Variants in NBEA observed in about 807,000 individuals in gnomAD.
NBEA encodes the protein neurobeachin.
In NBEA, 44 loss-of-function variants were observed where a neutral mutation model predicts 343.4. The observed-to-expected ratio is 0.13, with a 90% CI of 0.10 to 0.16. NBEA has a LOEUF of 0.16. NBEA is among the 10% of genes least tolerant of loss of function. NBEA has a pLI of 1.00. For missense variants in NBEA, 2,555 were observed against 3,631.3 expected (o/e 0.70, Z 7.62); for synonymous variants, 1,175 against 1,238.7 (o/e 0.95, Z 1.08).
intron 41 of NBEA, among the ~76,000 whole-genome samples, chr13:35,534,600 G>T (rs925588399): frequency 2.0e-5 from 3 of 152,140 alleles, no homozygotes; most frequent in Admixed American, 6.6e-5. Context: ...GTAGACATGT[G>T]ACCTCTGTAC....
intron 10 of NBEA, among the ~76,000 whole-genome samples, chr13:35,089,849 G>T (rs2064983013): frequency 6.8e-6 from 1 of 146,140 alleles, no homozygotes; most frequent in Admixed American, 7.0e-5. Context: ...TCATAGGTGG[G>T]AATTGAACAG....
chr13:35,568,446 T>C (rs2080237135), intron 45 of NBEA, among the ~76,000 whole-genome samples: 1 of 152,178 alleles, frequency 6.6e-6, no homozygotes, highest in South Asian at 2.1e-4. Context: ...CTTAACTATT[T>C]ACCATATTCA....
At chr13:35,170,988 T>C in intron 25 of NBEA, 1 of 460,936 alleles carries the variant, frequency 2.2e-6, no homozygotes, top group Non-Finnish European at 4.1e-6. Context: ...AATATCTTTG[T>C]GAAATGATCT....
intron 52 of NBEA, 67 bp downstream of exon 52, chr13:35,649,914 TACTGGG>T (rs67269303): frequency 0.99 from 1,362,907 of 1,378,946 alleles, 674,943 homozygotes; most frequent in East Asian, 1. Flanking sequence ...TAAAAAAGTG[TACTGGG>T]ACTGGGATTA....
intron 48 of NBEA, among the ~76,000 whole-genome samples, chr13:35,623,095 T>TG (rs1288758158): frequency 6.6e-6 from 1 of 152,200 alleles, no homozygotes; most frequent in Non-Finnish European, 1.5e-5. Context: ...TTAACGCAAT[T>TG]GCTTCTGCCT....
intron 41 of NBEA, among the ~76,000 whole-genome samples, chr13:35,530,244 A>G (rs1241051189): frequency 6.6e-6 from 1 of 152,196 alleles, no homozygotes. Context: ...CCTCAAGTCC[A>G]TCCTGTCAAG....
chr13:34,991,328 T>G (rs922267778), intron 1 of NBEA, among the ~76,000 whole-genome samples: 50 of 152,208 alleles, frequency 3.3e-4, no homozygotes, highest in African/African-American at 1.2e-3. Flanking sequence ...AAAAGAGGTT[T>G]AATTGATTCA....
intron 38 of NBEA, among the ~76,000 whole-genome samples, chr13:35,354,867 T>C (rs754228778): frequency 2.6e-5 from 4 of 152,200 alleles, no homozygotes; most frequent in Non-Finnish European, 5.9e-5. Context: ...CAGGTCTGTA[T>C]ATTCATCTGC....
Position 35,665,064 on chromosome 13 carries a change from ACTG to A in NBEA, c.8363-14_8363-12del. 6.5e-7 allele frequency: 1 copy of A among 1,535,094 alleles called. No individual in the cohort carries two copies. Among genetic ancestry groups the A allele is most frequent in the Non-Finnish European group, 8.9e-7 (1 of 1,128,532 alleles). On this transcript the variant is annotated intron_variant, in intron 55 of 58. Transcript: ENST00000379939. Reference sequence around the variant, plus strand: ...CCCTGCTATTGGTCTGTAGTGCCTCACTGCTGCTGTTTTCTTGCAGGTGACTAT... The same window carrying A: ...CCCTGCTATTGGTCTGTAGTGCCTCACTGCTGTTTTCTTGCAGGTGACTAT...
chr13:35,556,870 A>C (rs543725600), intron 44 of NBEA, among the ~76,000 whole-genome samples: 1 of 152,272 alleles, frequency 6.6e-6, no homozygotes, highest in African/African-American at 2.4e-5. Context: ...GTGTTCATGC[A>C]GTATATTATT....
chr13:35,122,463 C>T (rs951449389), intron 16 of NBEA, among the ~76,000 whole-genome samples: 25 of 151,326 alleles, frequency 1.7e-4, no homozygotes, highest in Admixed American at 1.3e-3. Flanking sequence ...AGCAAACTAC[C>T]GCTAGGACAA....
chr13:35,378,161 A>G (rs1460092446), intron 38 of NBEA, among the ~76,000 whole-genome samples: 2 of 152,244 alleles, frequency 1.3e-5, no homozygotes, highest in Non-Finnish European at 2.9e-5. Context: ...GAATAGGCCC[A>G]TAGAAATAAA....
chr13:35,267,875 G>A (rs1203423267), intron 34 of NBEA, among the ~76,000 whole-genome samples: 2 of 151,698 alleles, frequency 1.3e-5, no homozygotes, highest in Non-Finnish European at 2.9e-5. Flanking sequence ...TGTTGGTAAG[G>A]TTGTGGAATA....
chr13:35,098,710 A>T (rs1419183687), intron 11 of NBEA, among the ~76,000 whole-genome samples: 1 of 152,050 alleles, frequency 6.6e-6, no homozygotes, highest in Non-Finnish European at 1.5e-5. Flanking sequence ...TCACTTTCTA[A>T]GGTGTCACTT....
intron 1 of NBEA, among the ~76,000 whole-genome samples, chr13:34,985,500 C>CT (rs1359609767): frequency 3.3e-5 from 5 of 150,998 alleles, no homozygotes; most frequent in Admixed American, 2.6e-4. Context: ...CTAAAATTCT[C>CT]TTTTTTGTTG....
chr13:34,981,280 A>T (rs911818730), intron 1 of NBEA, among the ~76,000 whole-genome samples: 1 of 152,204 alleles, frequency 6.6e-6, no homozygotes, highest in African/African-American at 2.4e-5. Flanking sequence ...CAGTTTGATT[A>T]TCCATTTACC....
chr13:35,236,762 C>CT (rs573686467), intron 34 of NBEA, among the ~76,000 whole-genome samples: 1,662 of 146,238 alleles, frequency 0.011, 28 homozygotes, highest in African/African-American at 0.039. Context: ...GGCCTAAACC[C>CT]TTTTTTTTTT....
intron 53 of NBEA, among the ~76,000 whole-genome samples, chr13:35,652,426 G>C (rs2084573457): frequency 6.6e-6 from 1 of 151,286 alleles, no homozygotes; most frequent in South Asian, 2.1e-4. Context: ...GGATCACGAG[G>C]TCAGGAGATC....
At chr13:35,522,226 G>A (rs959325966) in intron 41 of NBEA, among the ~76,000 whole-genome samples, 4 of 152,056 alleles carry the variant, frequency 2.6e-5, no homozygotes, top group African/African-American at 9.7e-5. Flanking sequence ...GGAGGCCAAA[G>A]AGGGTGGATC....
Sources: allele counts gnomAD v4.1 joint callset (sites outside exome capture counted in the v4.1 genomes callset), GRCh38; gene constraint gnomAD v4.1.1; transcripts MANE v1.5; gene names NCBI Gene and HGNC (gene_info 2026-07-23, HGNC 2026-07-21).